The following COMMD2 variants were observed in gnomAD, a reference collection of about 807,000 sequenced individuals.
COMMD2 encodes the protein COMM domain-containing protein 2.
In COMMD2, 25 loss-of-function variants were observed where a neutral mutation model predicts 22.5. That is an observed-to-expected ratio of 1.11 (90% CI 0.81 to 1.55). COMMD2 has a LOEUF of 1.55. COMMD2 is among the 40% of genes most tolerant of loss of function. The probability of loss-of-function intolerance (pLI) is 0.00; values close to 1 mark genes in which losing one functional copy is unlikely to be tolerated. For missense variants in COMMD2, 223 were observed against 232.9 expected (o/e 0.96, Z 0.28); for synonymous variants, 98 against 91.2 (o/e 1.07, Z -0.42).
intron 4 of COMMD2, among the ~76,000 whole-genome samples, chr3:149,745,880 G>A (rs1468729668): frequency 6.6e-6 from 1 of 152,076 alleles, no homozygotes; most frequent in Non-Finnish European, 1.5e-5. Context: ...CTTAAATGTT[G>A]CTCTTACTTT....
At chr3:149,752,336 C>A (rs1015897298) in intron 1 of COMMD2, 42 bp downstream of exon 1, 7 of 1,613,690 alleles carry the variant, frequency 4.3e-6, no homozygotes, top group Non-Finnish European at 5.9e-6. Flanking sequence ...TGCCTTTGAC[C>A]TCCTCCCCAG....
chr3:149,741,358 A>T lies in COMMD2; in HGVS notation c.*163T>A, dbSNP rs558055831. 2 of 650,996 alleles carry T rather than the reference A, an allele frequency of 3.1e-6. No individual in the cohort carries two copies. Among genetic ancestry groups the T allele is most frequent in the Non-Finnish European group, 5.2e-6 (2 of 384,588 alleles). The allele number at this position is 650,996 out of a possible 1,614,324, so 40.3% of individuals were successfully genotyped here. On this transcript the variant is annotated 3_prime_UTR_variant, in exon 5 of 5. Transcript: ENST00000473414. ...TGGGATAACTGGCATGAGCCACTGC[A>T]CCCAGCTTAGCTTCTGATTATGACC... is the stretch of plus-strand genomic sequence containing the variant.
At chr3:149,743,458 G>A (rs1408935795) in intron 4 of COMMD2, among the ~76,000 whole-genome samples, 3 of 152,164 alleles carry the variant, frequency 2.0e-5, no homozygotes, top group Non-Finnish European at 4.4e-5. Context: ...ATTTTCAAGT[G>A]AGTAACAAAT....
At position 149,752,434 on chromosome 3, in the gene COMMD2, T is replaced by A. The variant is rs767299132; in HGVS notation, c.11A>T (p.Glu4Val). 1.9e-6 allele frequency: 3 copies of A among 1,613,654 alleles called. No individual in the cohort carries two copies. In the South Asian group the frequency reaches 3.3e-5, roughly 18 times the overall value. Reference sequence around the variant, plus strand: ...GTGTTCCTTATGCTCCTCGGACAATTCCAGCAGCATCTTCACTGTCCTACG... The same window carrying A: ...GTGTTCCTTATGCTCCTCGGACAATACCAGCAGCATCTTCACTGTCCTACG... Reference protein sequence around the residue: MLLELSEEHKEHLA... With the variant: MLLVLSEEHKEHLA... Residue 4 changes from glutamate (E) to valine (V), a missense_variant, in exon 1 of 5, where the codon GAA (glutamate) becomes GTA (valine). By Grantham distance (121) the Glu-to-Val change is moderately radical. Coordinates refer to ENST00000473414, the MANE Select transcript of COMMD2 (RefSeq NM_016094.4).
intron 4 of COMMD2, among the ~76,000 whole-genome samples, chr3:149,742,195 T>C (rs1219696236): frequency 1.3e-5 from 2 of 152,192 alleles, no homozygotes; most frequent in Non-Finnish European, 2.9e-5. Context: ...TAGAAAAATA[T>C]GTTCAACTTT....
chr3:149,742,622 GT>G (rs1716265561), intron 4 of COMMD2, among the ~76,000 whole-genome samples: 1 of 152,116 alleles, frequency 6.6e-6, no homozygotes, highest in Non-Finnish European at 1.5e-5. Flanking sequence ...ATATGTTCAA[GT>G]TTAAAAAATA....
chr3:149,751,110 A>G (rs1408154092), intron 3 of COMMD2, among the ~76,000 whole-genome samples: 1 of 152,180 alleles, frequency 6.6e-6, no homozygotes, highest in Non-Finnish European at 1.5e-5. Context: ...CTGATACGCA[A>G]ACAAAATACT....
At chr3:149,747,747 G>C (rs1196578196) in intron 4 of COMMD2, among the ~76,000 whole-genome samples, 1 of 152,044 alleles carries the variant, frequency 6.6e-6, no homozygotes, top group Non-Finnish European at 1.5e-5. Flanking sequence ...GACCAGCCTG[G>C]CCAACGTGGT....
chr3:149,752,213 C>A lies in COMMD2; in HGVS notation c.142G>T (p.Ala48Ser). The A allele has an allele frequency of 1.2e-6, 2 of 1,613,648 alleles. No individual in the cohort carries two copies. Among genetic ancestry groups the A allele is most frequent in the Non-Finnish European group, 1.7e-6 (2 of 1,179,724 alleles). ...GCCTTCCCCTTTCCCTTCTTACTGGCGGCGCCTTCGTAGATTTTTGGGTTT... is the reference window on the plus strand; with the variant it reads ...GCCTTCCCCTTTCCCTTCTTACTGGAGGCGCCTTCGTAGATTTTTGGGTTT... ...GANPKIYEGA[A>S]RKLNVSSDTV... Residue 48 changes from alanine (A) to serine (S), a missense_variant, in exon 2 of 5, where the codon GCC becomes TCC. Ala to Ser is a moderately conservative substitution (Grantham distance 99). Coordinates refer to ENST00000473414, the MANE Select transcript of COMMD2 (RefSeq NM_016094.4).
intron 4 of COMMD2, among the ~76,000 whole-genome samples, chr3:149,749,433 C>A (rs1200856785): frequency 6.6e-6 from 1 of 152,196 alleles, no homozygotes; most frequent in East Asian, 1.9e-4. Flanking sequence ...ACAGTGGTTT[C>A]CAAACTGTAT....
chr3:149,745,952 G>A (rs1716354691), intron 4 of COMMD2, among the ~76,000 whole-genome samples: 1 of 152,020 alleles, frequency 6.6e-6, no homozygotes, highest in Non-Finnish European at 1.5e-5. Context: ...CTAATTACTG[G>A]CTTTTATTTC....
rs1433601483 is a variant in COMMD2 at position 149,741,008 on chromosome 3, G to C, written c.*513C>G. The C allele has an allele frequency of 1.3e-5, 2 of 152,466 alleles. No individual in the cohort carries two copies. The highest frequency in any genetic ancestry group is 2.4e-5 in the African/African-American group (1 of 41,388). 9.4% of individuals were successfully genotyped at this position (152,466 alleles called of 1,614,324 possible). The stretch of plus-strand genomic sequence containing the variant: ...TCAAGAAGACCACAGTTAGCACCAG[G>C]AAAGGAACTTTACTTTAGCTTCTGA... On this transcript the variant is annotated 3_prime_UTR_variant, in exon 5 of 5. Transcript: ENST00000473414.
At chr3:149,751,070 C>T (rs1716515262) in intron 3 of COMMD2, among the ~76,000 whole-genome samples, 1 of 152,046 alleles carries the variant, frequency 6.6e-6, no homozygotes, top group African/African-American at 2.4e-5. Context: ...GCCCAGTTTC[C>T]CTTCCTGTCC....
rs1352669948 is a variant in COMMD2, at chr3:149,738,704, ACC to A, written c.*2815_*2816del. 3.9e-5 allele frequency: 6 copies of A among 152,290 alleles called. No homozygotes were observed. The East Asian group carries it at 1.2e-3, about 29-fold the overall frequency. The allele number at this position is 152,290 out of a possible 1,614,324, so 9.4% of individuals were successfully genotyped here. ...TCCAACTCCGAAGACTTATCTCTTA[ACC>A]ACTTCATAAGATTAAAACGCTGAAG... On this transcript the variant is annotated 3_prime_UTR_variant, in exon 5 of 5. Coordinates refer to ENST00000473414, the MANE Select transcript of COMMD2 (RefSeq NM_016094.4).
intron 4 of COMMD2, among the ~76,000 whole-genome samples, chr3:149,746,009 A>C (rs1411620947): frequency 1.3e-5 from 2 of 152,218 alleles, no homozygotes; most frequent in Non-Finnish European, 2.9e-5. Context: ...TGTCAGAGAA[A>C]TCATTCTCAT....
intron 4 of COMMD2, among the ~76,000 whole-genome samples, chr3:149,742,026 T>G (rs572479881): frequency 6.6e-6 from 1 of 151,952 alleles, no homozygotes; most frequent in South Asian, 2.1e-4. Context: ...AAACAAGTCA[T>G]AAACCGAGAG....
chr3:149,747,667 T>G lies in COMMD2; in HGVS notation c.402+3011A>C, dbSNP rs566210253. On this transcript the variant is annotated intron_variant, in intron 4 of 4. Coordinates refer to ENST00000473414, the MANE Select transcript of COMMD2 (RefSeq NM_016094.4). Reference sequence around the variant, plus strand: ...AAGTCTTAGTATAGGCTGGGCGTGCTGGCTCATGCCTGTAATCCCAGCACT... The same window carrying G: ...AAGTCTTAGTATAGGCTGGGCGTGCGGGCTCATGCCTGTAATCCCAGCACT... 8.6e-4 allele frequency among the ~76,000 whole-genome samples: 131 copies of G among 152,320 alleles called. 1 individual carries two copies. The highest frequency in any genetic ancestry group is 3.0e-3 in the African/African-American group (124 of 41,568).
chr3:149,751,123 T>TA, intron 3 of COMMD2, among the ~76,000 whole-genome samples: 1 of 152,272 alleles, frequency 6.6e-6, no homozygotes, highest in Middle Eastern at 3.4e-3. Context: ...AAAATACTGA[T>TA]ACAGTCTCCC....
Position 149,741,582 on chromosome 3 carries a change from T to C in COMMD2, c.539A>G (p.Glu180Gly). ...TGTCTTCATCTCTTCCAATGCTTGT[T>C]CCAGTTGTTGAACCAAATGGAGCAG... ...ATLLHLVQQL[E>G]QALEEMKTNH... Residue 180 changes from glutamate to glycine, a missense_variant, in exon 5 of 5, where the codon GAA becomes GGA. Coordinates refer to ENST00000473414, the MANE Select transcript of COMMD2 (RefSeq NM_016094.4). 2 of 1,614,130 alleles carry C rather than the reference T, an allele frequency of 1.2e-6. No homozygotes were observed. The highest frequency in any genetic ancestry group is 8.5e-7 in the Non-Finnish European group (1 of 1,180,010).
Sources: allele counts gnomAD v4.1 joint callset (sites outside exome capture counted in the v4.1 genomes callset), GRCh38; gene constraint gnomAD v4.1.1; transcripts MANE v1.5; gene names NCBI Gene and HGNC (gene_info 2026-07-23, HGNC 2026-07-21).